The following ENTPD4 variants were observed in gnomAD, a reference collection of about 807,000 sequenced individuals.
The protein encoded by ENTPD4 is ectonucleoside triphosphate diphosphohydrolase 4, also known as Golgi UDPase.
A neutral mutation model predicts 79.1 loss-of-function variants in ENTPD4; 60 were observed. The observed-to-expected ratio is 0.76, with a 90% CI of 0.62 to 0.94. The LOEUF (loss-of-function observed/expected upper bound fraction) is 0.94. Among genes scored for constraint, ENTPD4 ranks in the 40% least tolerant of loss-of-function variants. The pLI is 0.00. For missense variants in ENTPD4, 772 were observed against 775.1 expected (o/e 1.00, Z 0.05); for synonymous variants, 276 against 292.0 (o/e 0.95, Z 0.56).
At position 23,430,046 on chromosome 8, in the gene ENTPD4, TC is replaced by T; in HGVS notation, c.*2879del. 4 of 985,486 alleles carry T rather than the reference TC, an allele frequency of 4.1e-6. No individual in the cohort carries two copies. Among genetic ancestry groups the T allele is most frequent in the Non-Finnish European group, 4.8e-6 (4 of 829,948 alleles). 61.0% of individuals were successfully genotyped at this position (985,486 alleles called of 1,614,324 possible). A position where few individuals can be genotyped will look rare whatever the true frequency, so the allele number is the denominator to read the frequency against. ...CTTTGGGCAAGTTCCTAGTCCAATT[TC>T]TTCTGCTACAAGTACACAGAATTTA... On this transcript the variant is annotated 3_prime_UTR_variant, in exon 13 of 13. Coordinates refer to ENST00000358689, the MANE Select transcript of ENTPD4 (RefSeq NM_004901.5).
At position 23,433,129 on chromosome 8, in the gene ENTPD4, C is replaced by T. The variant is rs749836030; in HGVS notation, c.1648G>A (p.Ala550Thr). 6.2e-7 allele frequency: 1 copy of T among 1,614,168 alleles called. No individual in the cohort carries two copies. The highest frequency in any genetic ancestry group is 2.2e-5 in the East Asian group (1 of 44,864). Residue 550 changes from alanine (A) to threonine (T), a missense_variant, in exon 13 of 13, where the codon GCC (alanine) becomes ACC (threonine). Ala to Thr is a moderately conservative substitution (Grantham distance 58). Transcript: ENST00000358689. Reference sequence around the variant, plus strand: ...ACGCCCCGCCAGTGGGTGTGACTGGCTCGGAAGGCCTCCTGCTGGATGTCT... The same window carrying T: ...ACGCCCCGCCAGTGGGTGTGACTGGTTCGGAAGGCCTCCTGCTGGATGTCT... ...LRDIQQEAFR[A>T]SHTHWRGVSF...
chr8:23,429,178 C>G lies in ENTPD4; in HGVS notation c.*3748G>C, dbSNP rs555290152. 1.0e-6 allele frequency: 1 copy of G among 985,264 alleles called. No individual in the cohort carries two copies. The highest frequency in any genetic ancestry group is 1.1e-4 in the East Asian group (1 of 8,830). 61.0% of individuals were successfully genotyped at this position (985,264 alleles called of 1,614,324 possible). ...TACGGGCCATGGGATGATGAACTTT[C>G]GTTTTATTGATTTTTCAGTACCCAA... On this transcript the variant is annotated 3_prime_UTR_variant, in exon 13 of 13. Coordinates refer to ENST00000358689, the MANE Select transcript of ENTPD4 (RefSeq NM_004901.5).
In ENTPD4 at chr8:23,431,889, C is replaced by G; in HGVS notation, c.*1037G>C. ...AAATATGGAATAAGGAGCGTAATTA[C>G]CTGCGGTCAGGAAAAGATAACAGTA... On this transcript the variant is annotated 3_prime_UTR_variant, in exon 13 of 13. Coordinates refer to ENST00000358689, the MANE Select transcript of ENTPD4 (RefSeq NM_004901.5). The G allele has an allele frequency of 1.0e-6, 1 of 985,396 alleles. No homozygotes were observed. Among genetic ancestry groups the G allele is most frequent in the Admixed American group, 6.1e-5 (1 of 16,286 alleles). 61.0% of individuals were successfully genotyped at this position (985,396 alleles called of 1,614,324 possible).
intron 9 of ENTPD4, among the ~76,000 whole-genome samples, chr8:23,437,782 T>G (rs1800598340): frequency 6.6e-6 from 1 of 152,206 alleles, no homozygotes; most frequent in South Asian, 2.1e-4. Flanking sequence ...GCCTTGCAAA[T>G]CTCTTTTAAG....
chr8:23,449,314 C>A (rs978087523), intron 2 of ENTPD4, among the ~76,000 whole-genome samples: 1 of 152,158 alleles, frequency 6.6e-6, no homozygotes, highest in South Asian at 2.1e-4. Context: ...ATGATGAGAC[C>A]AAACGGGAAT....
At chr8:23,454,221 G>C (rs78537094) in intron 1 of ENTPD4, among the ~76,000 whole-genome samples, 4,551 of 152,248 alleles carry the variant, frequency 0.03, 103 homozygotes, top group Middle Eastern at 0.048. Flanking sequence ...CGAATATATT[G>C]AGAAAGCCTA....
chr8:23,434,840 T>A, intron 11 of ENTPD4: 1 of 432,916 alleles, frequency 2.3e-6, no homozygotes, highest in Non-Finnish European at 3.3e-6. Context: ...AATGAGATGG[T>A]AGGAAGGTTC....
At chr8:23,434,188 T>A in intron 12 of ENTPD4, 129 bp downstream of exon 12, 3 of 1,239,566 alleles carry the variant, frequency 2.4e-6, no homozygotes, top group Non-Finnish European at 3.4e-6. Flanking sequence ...AACGTCACTG[T>A]CCCTACAATT....
In ENTPD4 at chr8:23,431,707, ACC is replaced by A. The variant is rs1324720489; in HGVS notation, c.*1217_*1218del. On this transcript the variant is annotated 3_prime_UTR_variant, in exon 13 of 13. Transcript: ENST00000358689. ...TTTAATTAAGGGGGGTGGGGGAAAC[ACC>A]AATTGGAAGCTGGAAGAAACTGAGG... 4 of 985,402 alleles carry A rather than the reference ACC, an allele frequency of 4.1e-6. No individual in the cohort carries two copies. In the East Asian group the frequency reaches 3.4e-4, roughly 84 times the overall value. The allele number at this position is 985,402 out of a possible 1,614,324, so 61.0% of individuals were successfully genotyped here.
intron 6 of ENTPD4, among the ~76,000 whole-genome samples, chr8:23,442,795 T>C (rs1169843151): frequency 1.3e-5 from 2 of 152,212 alleles, no homozygotes; most frequent in African/African-American, 4.8e-5. Flanking sequence ...CATTGTCACC[T>C]TGGGTAGTCC....
At position 23,437,100 on chromosome 8, in the gene ENTPD4, A is replaced by G; in HGVS notation, c.1208T>C (p.Met403Thr). The stretch of plus-strand genomic sequence containing the variant: ...AGTCTGGGTCTCGTTTGTTTTATTC[A>G]TGAAAGGCTGGATAGTCTCTCGACA... ...DLCRETIQPF[M>T]NKTNETQTSL... Residue 403 changes from methionine (M) to threonine (T), a missense_variant, in exon 10 of 13, where the codon ATG becomes ACG. Physicochemically the swap from Met to Thr is moderately conservative, Grantham distance 81 (BLOSUM62 -1). Coordinates refer to ENST00000358689, the MANE Select transcript of ENTPD4 (RefSeq NM_004901.5). 6.2e-7 allele frequency: 1 copy of G among 1,614,228 alleles called. No homozygotes were observed. The highest frequency in any genetic ancestry group is 8.5e-7 in the Non-Finnish European group (1 of 1,180,046).
rs1172073398 is a variant in ENTPD4, at chr8:23,430,183, C to T, written c.*2743G>A. ...TAGAGAAAGCACCTGGCTGTCTTCA[C>T]CTACGCGAGACCTTCTCTGGAATGT... On this transcript the variant is annotated 3_prime_UTR_variant, in exon 13 of 13. Coordinates refer to ENST00000358689, the MANE Select transcript of ENTPD4 (RefSeq NM_004901.5). The T allele has an allele frequency of 1.0e-6, 1 of 985,110 alleles. No homozygotes were observed. The highest frequency in any genetic ancestry group is 1.8e-5 in the African/African-American group (1 of 57,028). The allele number at this position is 985,110 out of a possible 1,614,324, so 61.0% of individuals were successfully genotyped here. A position where few individuals can be genotyped will look rare whatever the true frequency, so the allele number is the denominator to read the frequency against.
intron 1 of ENTPD4, among the ~76,000 whole-genome samples, chr8:23,450,829 G>A (rs1316554753): frequency 2.2e-4 from 33 of 152,006 alleles, no homozygotes; most frequent in Non-Finnish European, 4.7e-4. Flanking sequence ...ATCTCTATCT[G>A]AATGTTGCAC....
intron 4 of ENTPD4, among the ~76,000 whole-genome samples, chr8:23,447,278 A>C (rs1386004574): frequency 2.0e-5 from 3 of 152,254 alleles, no homozygotes; most frequent in Non-Finnish European, 4.4e-5. Context: ...TGTGGCCAGC[A>C]ATTTTTAAAA....
Position 23,436,982 on chromosome 8 carries a change from T to C in ENTPD4, c.1326A>G (p.Leu442=). ...SEFYYCTEDV[L]RMGGDYNAAK... ...CAGCATTGTAGTCTCCCCCCATTCG[T>C]AACACATCCTCGGTGCAGTAGTAGA... The change falls in exon 10 of 13, where the codon TTA becomes TTG. Residue 442 remains leucine (L), a synonymous_variant. Transcript: ENST00000358689. 6.2e-7 allele frequency: 1 copy of C among 1,612,514 alleles called. No individual in the cohort carries two copies. Among genetic ancestry groups the C allele is most frequent in the Non-Finnish European group, 8.5e-7 (1 of 1,179,208 alleles).
chr8:23,447,174 G>A (rs1166430586), intron 4 of ENTPD4, among the ~76,000 whole-genome samples: 5 of 152,232 alleles, frequency 3.3e-5, no homozygotes, highest in African/African-American at 9.6e-5. Flanking sequence ...CACTGGCTTA[G>A]AAATTACAGT....
In ENTPD4 at chr8:23,441,475, A is replaced by C. The variant is rs944594887; in HGVS notation, c.882+94T>G. 1.9e-5 allele frequency: 29 copies of C among 1,548,822 alleles called. No individual in the cohort carries two copies. The African/African-American group carries it at 2.6e-4, about 14-fold the overall frequency. On this transcript the variant is annotated intron_variant, in intron 8 of 12. Coordinates refer to ENST00000358689, the MANE Select transcript of ENTPD4 (RefSeq NM_004901.5). ...GGCGGCACCTCAGCCAGCACAGTAA[A>C]GATGTGTTCAGACTCAGAAAACAAA...
chr8:23,455,938 G>A (rs1168169001), intron 1 of ENTPD4, among the ~76,000 whole-genome samples: 1 of 152,146 alleles, frequency 6.6e-6, no homozygotes, highest in African/African-American at 2.4e-5. Flanking sequence ...TTCTTCCTCA[G>A]ATATCCCTCA....
At position 23,444,508 on chromosome 8, in the gene ENTPD4, CTT is replaced by C; in HGVS notation, c.509_510del (p.Lys170ArgfsTer36). 1.9e-6 allele frequency: 3 copies of C among 1,614,128 alleles called. No homozygotes were observed. The highest frequency in any genetic ancestry group is 1.1e-5 in the South Asian group (1 of 91,084). On this transcript the variant is annotated frameshift_variant, in exon 5 of 13. Transcript: ENST00000358689. LOFTEE classifies it high-confidence loss of function. The part of the protein sequence containing the change: ...AAEHVPRAKH[K>X]ETPLYILCTA... ...GTGCAGAGAATGTAGAGAGGTGTCT[CTT>C]TGTGTTTTGCCCGTGGCACATGCTC...
Sources: allele counts gnomAD v4.1 joint callset (sites outside exome capture counted in the v4.1 genomes callset), GRCh38; gene constraint gnomAD v4.1.1; transcripts MANE v1.5; gene names NCBI Gene and HGNC (gene_info 2026-07-23, HGNC 2026-07-21).